The following HAUS6 variants were observed in gnomAD, a reference collection of about 807,000 sequenced individuals.
HAUS6 encodes the protein HAUS augmin like complex subunit 6.
Under a neutral mutation model 106.8 loss-of-function variants are expected in HAUS6, and 80 were observed. That is an observed-to-expected ratio of 0.75 (90% CI 0.63 to 0.90). The LOEUF is 0.90. Among genes scored for constraint, HAUS6 ranks in the 40% least tolerant of loss-of-function variants. HAUS6 has a pLI of 0.00. For synonymous variants in HAUS6, 356 were observed against 379.1 expected, an observed-to-expected ratio of 0.94 and a Z score of 0.71; for missense variants, 1,155 against 1,118.1, an observed-to-expected ratio of 1.03 and a Z score of -0.47.
At chr9:19,094,441 CAAA>C in intron 2 of HAUS6, 46 bp from the exon 3 acceptor site, 1 of 845,652 alleles carries the variant, frequency 1.2e-6, no homozygotes, top group Non-Finnish European at 1.8e-6. Flanking sequence ...CAACAATAGC[CAAA>C]AAAAAAAGCC....
At position 19,102,764 on chromosome 9, in the gene HAUS6, G is replaced by C; in HGVS notation, c.-113C>G. On this transcript the variant is annotated 5_prime_UTR_variant, in exon 1 of 17. Coordinates refer to ENST00000380502, the MANE Select transcript of HAUS6 (RefSeq NM_017645.5). ...CTGAGGTCGCGGTGGTCCTTCCATT[G>C]CCAACGCCTGCTCCTTTCACGCCCA... 2 of 960,134 alleles carry C rather than the reference G, an allele frequency of 2.1e-6. No individual in the cohort carries two copies. Among genetic ancestry groups the C allele is most frequent in the Non-Finnish European group, 3.1e-6 (2 of 651,032 alleles). The allele number at this position is 960,134 out of a possible 1,614,324, so 59.5% of individuals were successfully genotyped here.
chr9:19,076,844 A>T (rs1375331957), intron 10 of HAUS6, 140 bp from the exon 11 acceptor site: 1 of 580,128 alleles, frequency 1.7e-6, no homozygotes, highest in Non-Finnish European at 3.1e-6. Context: ...AACTATTTTT[A>T]TTTATTTATT....
chr9:19,075,888 G>A (rs2131124373), intron 11 of HAUS6, among the ~76,000 whole-genome samples: 1 of 151,980 alleles, frequency 6.6e-6, no homozygotes, highest in East Asian at 1.9e-4. Context: ...TTGAACCCAA[G>A]GTAGAGGTTG....
intron 1 of HAUS6, among the ~76,000 whole-genome samples, chr9:19,097,351 C>G (rs1365936410): frequency 2.0e-5 from 3 of 152,124 alleles, no homozygotes; most frequent in African/African-American, 7.2e-5. Context: ...ACCTACTCAT[C>G]TGACAAAGGG....
rs72696449 is a variant in HAUS6, at chr9:19,053,581, T to A, written c.*2762A>T. ...ATTTTTCATGTTTAGCAACATTACATGGTTGTCCTCTTTAAACATTTAAAA... is the reference window on the plus strand; with the variant it reads ...ATTTTTCATGTTTAGCAACATTACAAGGTTGTCCTCTTTAAACATTTAAAA... On this transcript the variant is annotated 3_prime_UTR_variant, in exon 17 of 17. Transcript: ENST00000380502. 1 of 152,228 alleles carries A rather than the reference T, an allele frequency of 6.6e-6. No individual in the cohort carries two copies. The highest frequency in any genetic ancestry group is 1.5e-5 in the Non-Finnish European group (1 of 68,008). 9.4% of individuals were successfully genotyped at this position (152,228 alleles called of 1,614,324 possible). A position where few individuals can be genotyped will look rare whatever the true frequency, so the allele number is the denominator to read the frequency against.
Position 19,078,144 on chromosome 9 carries a change from G to A in HAUS6, c.1191+32C>T, listed in dbSNP as rs182879373. The A allele has an allele frequency of 1.1e-4, 169 of 1,557,952 alleles. No individual in the cohort carries two copies. In the African/African-American group the frequency reaches 1.9e-3, roughly 17 times the overall value. ...AAAAAAAAAAAAAAAGGTGGGTGGC[G>A]GGGAGGGCAGGGGCAAGTCAACATT... On this transcript the variant is annotated intron_variant, in intron 10 of 16. Coordinates refer to ENST00000380502, the MANE Select transcript of HAUS6 (RefSeq NM_017645.5).
intron 1 of HAUS6, 136 bp downstream of exon 1, chr9:19,102,388 C>T (rs1308218296): frequency 2.1e-6 from 2 of 973,944 alleles, no homozygotes; most frequent in Admixed American, 5.1e-5. Context: ...GGAGTAGGAA[C>T]TTTGGAGCCA....
chr9:19,089,592 A>G (rs1450745319), intron 4 of HAUS6, 33 bp from the exon 5 acceptor site: 4 of 1,565,026 alleles, frequency 2.6e-6, no homozygotes, highest in Middle Eastern at 3.5e-4. Flanking sequence ...TATAGAAAAC[A>G]GGCTGGTCTG....
At chr9:19,092,916 C>CAAAAAAAAAAAAAAAAAAAAAAA (rs71494998) in intron 4 of HAUS6, among the ~76,000 whole-genome samples, 20 of 76,194 alleles carry the variant, frequency 2.6e-4, no homozygotes, top group African/African-American at 8.0e-4. Flanking sequence ...AACTGTGTCT[C>CAAAAAAAAAAAAAAAAAAAAAAA]AAAAAAAAAA....
intron 15 of HAUS6, 176 bp downstream of exon 15, chr9:19,059,912 G>A (rs899963335): frequency 8.2e-6 from 4 of 489,178 alleles, no homozygotes; most frequent in Non-Finnish European, 1.5e-5. Context: ...GTACACTGAA[G>A]GCACAAAATA....
intron 7 of HAUS6, among the ~76,000 whole-genome samples, chr9:19,083,922 G>A (rs1245666123): frequency 2.0e-5 from 3 of 151,436 alleles, no homozygotes; most frequent in Non-Finnish European, 2.9e-5. Context: ...AAAAATCTTA[G>A]GCATATACTA....
chr9:19,073,767 C>A (rs1161760504), intron 11 of HAUS6: 1 of 152,016 alleles, frequency 6.6e-6, no homozygotes, highest in African/African-American at 2.4e-5. Context: ...CACCATGGAA[C>A]CAGGATGCTC....
intron 11 of HAUS6, among the ~76,000 whole-genome samples, chr9:19,074,314 T>A (rs1564012446): frequency 6.6e-6 from 1 of 152,150 alleles, no homozygotes; most frequent in Admixed American, 6.6e-5. Context: ...TTGTCCAGGC[T>A]AGAGCATTGT....
intron 5 of HAUS6, among the ~76,000 whole-genome samples, chr9:19,087,527 CAA>C (rs1176188189): frequency 2.0e-5 from 3 of 152,144 alleles, no homozygotes. Flanking sequence ...AAGCATTCTA[CAA>C]AGTTATCCTA....
intron 7 of HAUS6, among the ~76,000 whole-genome samples, chr9:19,086,216 CAGG>C (rs1837291791): frequency 1.3e-5 from 2 of 151,724 alleles, no homozygotes; most frequent in Non-Finnish European, 2.9e-5. Context: ...GAGGCTGAGG[CAGG>C]AGAATTGCTT....
In HAUS6 at chr9:19,083,728, G is replaced by C. The variant is rs571298363; in HGVS notation, c.700-685C>G. Among the ~76,000 whole-genome samples, 309 of 151,536 alleles carry C rather than the reference G, an allele frequency of 2.0e-3. 1 individual carries two copies. The highest frequency in any genetic ancestry group is 3.7e-3 in the Admixed American group (57 of 15,212). ...GAGGCAGAAGAATGGTGTGAACCCG[G>C]CAGGCGGAGCTTGCAGTAAGCCAAG... On this transcript the variant is annotated intron_variant, in intron 7 of 16. Transcript: ENST00000380502.
chr9:19,059,397 T>C (rs3780221), intron 15 of HAUS6, among the ~76,000 whole-genome samples: 11,955 of 152,272 alleles, frequency 0.079, 521 homozygotes, highest in East Asian at 0.11. Context: ...CATGATAGCA[T>C]GAAAGTAGCC....
chr9:19,101,782 T>C (rs1412213748), intron 1 of HAUS6, among the ~76,000 whole-genome samples: 1 of 152,016 alleles, frequency 6.6e-6, no homozygotes, highest in Non-Finnish European at 1.5e-5. Flanking sequence ...TGGTTGGGCG[T>C]GGTGGCAAGT....
intron 12 of HAUS6, among the ~76,000 whole-genome samples, chr9:19,066,479 T>G (rs1400437860): frequency 6.6e-6 from 1 of 152,176 alleles, no homozygotes. Context: ...AAGATCATAC[T>G]GCCCTCCTTA....
Sources: allele counts gnomAD v4.1 joint callset (sites outside exome capture counted in the v4.1 genomes callset), GRCh38; gene constraint gnomAD v4.1.1; transcripts MANE v1.5; gene names NCBI Gene and HGNC (gene_info 2026-07-23, HGNC 2026-07-21).